ADAMTSL1: variants seen among roughly 807,000 people sequenced by gnomAD.
ADAMTSL1 encodes ADAMTS-like protein 1.
ADAMTSL1 carries 126 observed loss-of-function variants against 201.8 expected under a neutral mutation model. The ratio of observed to expected loss-of-function variants is 0.62; its 90% CI spans 0.54 to 0.72. The LOEUF is 0.72. Among genes scored for constraint, ADAMTSL1 ranks in the 30% least tolerant of loss-of-function variants. The pLI is 0.00. For synonymous variants in ADAMTSL1, 1,121 were observed against 903.4 expected, an observed-to-expected ratio of 1.24 and a Z score of -4.32; for missense variants, 2,679 against 2,277.8, an observed-to-expected ratio of 1.18 and a Z score of -3.59.
At chr9:18,634,737 C>G (rs1826991841) in intron 5 of ADAMTSL1, among the ~76,000 whole-genome samples, 1 of 150,710 alleles carries the variant, frequency 6.6e-6, no homozygotes, top group African/African-American at 2.4e-5. Context: ...ACTTGGGAGG[C>G]TGAGGCAGAA....
chr9:18,249,882 G>T (rs1004230485), intron 2 of ADAMTSL1, among the ~76,000 whole-genome samples: 12 of 152,244 alleles, frequency 7.9e-5, no homozygotes, highest in African/African-American at 2.6e-4. Flanking sequence ...ACAGGGACAG[G>T]GTTCTCCGAG....
In ADAMTSL1 at chr9:18,339,075, A is replaced by C. The variant is rs145744115; in HGVS notation, c.208-165754A>C. Among the ~76,000 whole-genome samples the C allele has an allele frequency of 7.2e-4, 110 of 152,298 alleles. 2 individuals carry two copies. Among genetic ancestry groups the C allele is most frequent in the African/African-American group, 2.5e-3 (104 of 41,560 alleles). On this transcript the variant is annotated intron_variant, in intron 2 of 29. Coordinates refer to the ADAMTSL1 transcript ENST00000680146. ...TCTTTGCTATAGTGAATAGTGCTGC[A>C]GTGAACATACTCATGCACGTGTCTT...
At chr9:18,699,415 C>T (rs994275649) in intron 13 of ADAMTSL1, among the ~76,000 whole-genome samples, 1 of 150,160 alleles carries the variant, frequency 6.7e-6, no homozygotes, top group Non-Finnish European at 1.5e-5. Flanking sequence ...ACCTTGAACT[C>T]CTGGGTGCAA....
chr9:18,106,781 A>G (rs1289796832), intron 1 of ADAMTSL1, among the ~76,000 whole-genome samples: 1 of 152,194 alleles, frequency 6.6e-6, no homozygotes, highest in Non-Finnish European at 1.5e-5. Context: ...CAGCAATTGT[A>G]CATTTGAGTT....
intron 16 of ADAMTSL1, among the ~76,000 whole-genome samples, chr9:18,764,331 T>C (rs1820242872): frequency 6.6e-6 from 1 of 152,244 alleles, no homozygotes; most frequent in South Asian, 2.1e-4. Flanking sequence ...TTTGGTATGT[T>C]GATTTTGTAC....
intron 1 of ADAMTSL1, among the ~76,000 whole-genome samples, chr9:17,990,565 A>G (rs1439979876): frequency 6.6e-6 from 1 of 151,938 alleles, no homozygotes; most frequent in South Asian, 2.1e-4. Context: ...GCACTTATTG[A>G]CCTTATTTAT....
intron 1 of ADAMTSL1, among the ~76,000 whole-genome samples, chr9:18,020,536 G>A (rs1053007860): frequency 1.3e-5 from 2 of 152,072 alleles, no homozygotes; most frequent in Non-Finnish European, 2.9e-5. Context: ...CACAGTGTGT[G>A]CAAAAATGAG....
chr9:18,174,705 A>G (rs1828060490), intron 2 of ADAMTSL1, among the ~76,000 whole-genome samples: 1 of 152,182 alleles, frequency 6.6e-6, no homozygotes. Context: ...AACTGAAGTA[A>G]AACACTAACA....
In ADAMTSL1 at chr9:18,775,811, CCTCTCAACGGTTGTCAA is replaced by C; in HGVS notation, c.2467_2483del (p.Leu823PhefsTer131). ...TTTGCCGAAAGATGCTGAAAACCGG[CCTCTCAACGGTTGTCAA>C]TTCCACCCTGTGCCCGCCCCTGCCT... is the stretch of plus-strand genomic sequence containing the variant. On this transcript the variant is annotated frameshift_variant, in exon 18 of 29. Coordinates refer to ENST00000380548, the MANE Select transcript of ADAMTSL1 (RefSeq NM_001040272.6). LOFTEE classifies it high-confidence loss of function. 1 of 1,611,232 alleles carries C rather than the reference CCTCTCAACGGTTGTCAA, an allele frequency of 6.2e-7. No homozygotes were observed. The highest frequency in any genetic ancestry group is 8.5e-7 in the Non-Finnish European group (1 of 1,178,632).
intron 1 of ADAMTSL1, among the ~76,000 whole-genome samples, chr9:18,012,640 C>G (rs761047611): frequency 6.6e-6 from 1 of 151,984 alleles, no homozygotes; most frequent in Non-Finnish European, 1.5e-5. Context: ...AACACCTCAC[C>G]CTGGAGCCCT....
Position 18,274,572 on chromosome 9 carries a change from T to G in ADAMTSL1, c.207+110591T>G, listed in dbSNP as rs7855589. On this transcript the variant is annotated intron_variant, in intron 2 of 29. Coordinates refer to the ADAMTSL1 transcript ENST00000680146. The stretch of plus-strand genomic sequence containing the variant: ...AATTTGTACTTAATGCAAAAAAAAA[T>G]ATTCATTATGCTCATTTAGAGAGAA... Among the ~76,000 whole-genome samples, 1,163 of 151,934 alleles carry G rather than the reference T, an allele frequency of 7.7e-3. 13 individuals are homozygous for G. The highest frequency in any genetic ancestry group is 0.026 in the African/African-American group (1,060 of 41,486).
intron 26 of ADAMTSL1, among the ~76,000 whole-genome samples, chr9:18,898,614 T>C (rs1429380795): frequency 6.6e-6 from 1 of 152,196 alleles, no homozygotes; most frequent in East Asian, 1.9e-4. Context: ...AAAAAGCTTA[T>C]CCACCATGAT....
chr9:18,164,808 T>G (rs115711115), intron 2 of ADAMTSL1, among the ~76,000 whole-genome samples: 1,647 of 152,030 alleles, frequency 0.011, 41 homozygotes, highest in African/African-American at 0.038. Flanking sequence ...AACTCTTGAC[T>G]GCCCTCTCTC....
rs1588077849 is a variant in ADAMTSL1, at chr9:18,770,783, T to C, written c.2397+2T>C. 6.2e-7 allele frequency: 1 copy of C among 1,612,994 alleles called. No individual in the cohort carries two copies. The highest frequency in any genetic ancestry group is 1.3e-5 in the African/African-American group (1 of 74,820). On this transcript the variant is annotated splice_donor_variant, in intron 17 of 28. Transcript: ENST00000380548. LOFTEE classifies it high-confidence loss of function. ...TGGCTTCTCTCAGACTGGACAGAGG[T>C]ATGTATGTTCCTCCGAAGAGAATGA...
At chr9:18,016,053 T>C (rs1452081081) in intron 1 of ADAMTSL1, among the ~76,000 whole-genome samples, 1 of 152,032 alleles carries the variant, frequency 6.6e-6, no homozygotes, top group East Asian at 1.9e-4. Flanking sequence ...AAATACTTGA[T>C]CATTTATACA....
intron 2 of ADAMTSL1, among the ~76,000 whole-genome samples, chr9:18,417,329 C>A (rs1587133036): frequency 6.1e-5 from 4 of 65,684 alleles, no homozygotes; most frequent in Admixed American, 1.6e-4. Flanking sequence ...AAACTAGAAA[C>A]TAGAAAATAA....
chr9:17,990,485 A>G (rs1390511348), intron 1 of ADAMTSL1, among the ~76,000 whole-genome samples: 1 of 152,074 alleles, frequency 6.6e-6, no homozygotes, highest in Non-Finnish European at 1.5e-5. Flanking sequence ...CCACAATAGG[A>G]ATCTTTAGGT....
intron 22 of ADAMTSL1, among the ~76,000 whole-genome samples, chr9:18,828,634 T>C (rs1055161325): frequency 1.1e-5 from 1 of 94,748 alleles, no homozygotes; most frequent in Non-Finnish European, 2.1e-5. Context: ...CTATGCCATA[T>C]GAAAAGGATT....
intron 2 of ADAMTSL1, among the ~76,000 whole-genome samples, chr9:18,265,053 G>A (rs1297587703): frequency 1.3e-5 from 2 of 152,182 alleles, no homozygotes; most frequent in Non-Finnish European, 2.9e-5. Flanking sequence ...GTTTACACTG[G>A]TGTTAGTCAT....
Sources: gnomAD v4.1 joint callset for allele counts (sites outside exome capture counted in the v4.1 genomes callset) on GRCh38, gnomAD v4.1.1 for gene constraint, MANE v1.5 for transcripts, NCBI Gene and HGNC (gene_info 2026-07-23, HGNC 2026-07-21) for gene names.